The following NKAIN2 variants were observed in gnomAD, a reference collection of about 807,000 sequenced individuals.
NKAIN2 encodes the protein sodium/potassium transporting ATPase interacting 2, also known as sodium/potassium-transporting ATPase subunit beta-1-interacting protein 2.
In NKAIN2, 14 loss-of-function variants were observed where a neutral mutation model predicts 32.6. The observed-to-expected ratio is 0.43, with a 90% confidence interval of 0.28 to 0.67. The LOEUF (loss-of-function observed/expected upper bound fraction) is 0.67. Among genes scored for constraint, NKAIN2 ranks in the 30% least tolerant of loss-of-function variants. The pLI is 0.17. For synonymous variants in NKAIN2, 80 were observed against 87.2 expected, an observed-to-expected ratio of 0.92 and a Z score of 0.46; for missense variants, 198 against 258.3, an observed-to-expected ratio of 0.77 and a Z score of 1.60.
intron 3 of NKAIN2, among the ~76,000 whole-genome samples, chr6:124,576,773 TTTGTA>T (rs1488388027): frequency 2.6e-5 from 4 of 152,186 alleles, no homozygotes; most frequent in African/African-American, 9.6e-5. Context: ...CTTGTAGACT[TTTGTA>T]TAGTGTCAAA....
At chr6:123,914,537 A>G (rs774234043) in intron 1 of NKAIN2, among the ~76,000 whole-genome samples, 2 of 152,126 alleles carry the variant, frequency 1.3e-5, no homozygotes, top group Non-Finnish European at 2.9e-5. Context: ...TGGAGCTTCA[A>G]CGTACAAACC....
intron 1 of NKAIN2, among the ~76,000 whole-genome samples, chr6:123,832,481 T>G (rs192717067): frequency 2.4e-4 from 36 of 152,314 alleles, no homozygotes; most frequent in African/African-American, 8.7e-4. Context: ...CACCTTTGAG[T>G]AAATGCCAAG....
chr6:124,380,899 T>A (rs1200031888), intron 3 of NKAIN2, among the ~76,000 whole-genome samples: 4 of 152,192 alleles, frequency 2.6e-5, no homozygotes, highest in African/African-American at 9.6e-5. Flanking sequence ...CTCATTGATA[T>A]GGCCCAGATT....
Position 124,716,893 on chromosome 6 carries a change from A to T in NKAIN2, c.474+58507A>T, listed in dbSNP as rs1469534638. Among the ~76,000 whole-genome samples, 3 of 152,164 alleles carry T rather than the reference A, an allele frequency of 2.0e-5. No individual in the cohort carries two copies. The East Asian group carries it at 5.8e-4, about 29-fold the overall frequency. ...TCCCTGCTAGGGGATAAGCTCCATGAGGGCAGGAAAATTGTGTCTGTTTTT... is the reference window on the plus strand; with the variant it reads ...TCCCTGCTAGGGGATAAGCTCCATGTGGGCAGGAAAATTGTGTCTGTTTTT... On this transcript the variant is annotated intron_variant, in intron 4 of 6. Transcript: ENST00000368417.
chr6:124,350,080 T>C (rs948822896), intron 2 of NKAIN2, among the ~76,000 whole-genome samples: 1 of 152,216 alleles, frequency 6.6e-6, no homozygotes, highest in African/African-American at 2.4e-5. Flanking sequence ...ATTAGTTTTA[T>C]AGCAGAAAAC....
intron 1 of NKAIN2, among the ~76,000 whole-genome samples, chr6:124,146,495 G>A (rs1312592722): frequency 1.3e-5 from 2 of 152,096 alleles, no homozygotes; most frequent in African/African-American, 2.4e-5. Flanking sequence ...AAACAATTTG[G>A]TGCCTACCAG....
At chr6:124,712,080 T>C (rs1281244759) in intron 4 of NKAIN2, among the ~76,000 whole-genome samples, 1 of 151,626 alleles carries the variant, frequency 6.6e-6, no homozygotes, top group Non-Finnish European at 1.5e-5. Context: ...CCCTGCCGTG[T>C]GAGGTGTCAG....
At chr6:124,562,991 G>C (rs184060156) in intron 3 of NKAIN2, among the ~76,000 whole-genome samples, 4 of 147,104 alleles carry the variant, frequency 2.7e-5, no homozygotes, top group African/African-American at 1.0e-4. Flanking sequence ...TGCAAAATCC[G>C]CCTCCTAGGT....
At chr6:124,541,128 T>TAC (rs111347945) in intron 3 of NKAIN2, among the ~76,000 whole-genome samples, 3,651 of 152,108 alleles carry the variant, frequency 0.024, 145 homozygotes, top group African/African-American at 0.083. Context: ...TACACACATA[T>TAC]ACACACACAC....
At chr6:124,716,320 T>G (rs1050504950) in intron 4 of NKAIN2, among the ~76,000 whole-genome samples, 1 of 152,206 alleles carries the variant, frequency 6.6e-6, no homozygotes, top group African/African-American at 2.4e-5. Context: ...ATCTGCCCTC[T>G]ATGGGAACAC....
At chr6:124,555,382 C>G (rs968146118) in intron 3 of NKAIN2, among the ~76,000 whole-genome samples, 1 of 152,170 alleles carries the variant, frequency 6.6e-6, no homozygotes, top group East Asian at 1.9e-4. Flanking sequence ...TTGACTTTAT[C>G]CCCCGTTCCC....
intron 4 of NKAIN2, among the ~76,000 whole-genome samples, chr6:124,766,776 A>G (rs9388373): frequency 0.92 from 140,157 of 152,270 alleles, 64,925 homozygotes; most frequent in East Asian, 1. Context: ...CCAAAGAATT[A>G]TAACAGAATG....
intron 1 of NKAIN2, among the ~76,000 whole-genome samples, chr6:124,051,933 A>T (rs544783019): frequency 1.3e-5 from 2 of 152,186 alleles, no homozygotes; most frequent in East Asian, 3.9e-4. Context: ...AGTAGTCAAA[A>T]GTGCCATGTG....
intron 1 of NKAIN2, among the ~76,000 whole-genome samples, chr6:123,903,840 C>T (rs1311889147): frequency 6.6e-6 from 1 of 152,050 alleles, no homozygotes; most frequent in Non-Finnish European, 1.5e-5. Context: ...GATGAAAACC[C>T]TTGCCTTGAA....
chr6:123,832,923 G>T (rs187913413), intron 1 of NKAIN2, among the ~76,000 whole-genome samples: 1 of 152,096 alleles, frequency 6.6e-6, no homozygotes, highest in South Asian at 2.1e-4. Context: ...TCTTTGGCTT[G>T]TCTTCATATT....
chr6:124,363,987 A>G lies in NKAIN2; in HGVS notation c.273+8640A>G, dbSNP rs75892280. 3.3e-4 allele frequency among the ~76,000 whole-genome samples: 50 copies of G among 152,232 alleles called. 1 individual carries two copies. In the East Asian group the frequency reaches 8.9e-3, roughly 27 times the overall value. On this transcript the variant is annotated intron_variant, in intron 3 of 6. Coordinates refer to ENST00000368417, the MANE Select transcript of NKAIN2 (RefSeq NM_001040214.3). ...AGATTTTTAAAAACACATAAACAATATATTAGAGAAAATAAACGGGAAAAC... is the reference window on the plus strand; with the variant it reads ...AGATTTTTAAAAACACATAAACAATGTATTAGAGAAAATAAACGGGAAAAC...
intron 1 of NKAIN2, among the ~76,000 whole-genome samples, chr6:123,843,945 A>G (rs994900961): frequency 3.9e-5 from 6 of 152,142 alleles, no homozygotes; most frequent in Admixed American, 2.0e-4. Flanking sequence ...TGCTCCTGTG[A>G]TACACTCTTC....
intron 1 of NKAIN2, among the ~76,000 whole-genome samples, chr6:124,149,767 GA>G (rs1184329325): frequency 6.6e-6 from 1 of 152,128 alleles, no homozygotes; most frequent in African/African-American, 2.4e-5. Context: ...CTGTCCTGCA[GA>G]CCCTGGCTGA....
intron 3 of NKAIN2, among the ~76,000 whole-genome samples, chr6:124,371,517 C>T (rs1290310857): frequency 6.6e-6 from 1 of 151,728 alleles, no homozygotes; most frequent in African/African-American, 2.4e-5. Flanking sequence ...CAGGGTGAAA[C>T]CCCGTCTCTA....
Sources: gnomAD v4.1 joint callset for allele counts (sites outside exome capture counted in the v4.1 genomes callset) on GRCh38, gnomAD v4.1.1 for gene constraint, MANE v1.5 for transcripts, NCBI Gene and HGNC (gene_info 2026-07-23, HGNC 2026-07-21) for gene names.